Variants in CDH13 observed in about 807,000 individuals in gnomAD.
CDH13 encodes cadherin-13.
Under a neutral mutation model 63.8 loss-of-function variants are expected in CDH13, and 24 were observed. That is an observed-to-expected ratio of 0.38 (90% confidence interval 0.27 to 0.53). The LOEUF (loss-of-function observed/expected upper bound fraction) is 0.53, where lower values mean the gene tolerates loss of function less well. Among genes scored for constraint, CDH13 ranks in the 20% least tolerant of loss-of-function variants. The pLI, the probability that CDH13 is intolerant of heterozygous loss-of-function variation, is 0.85. For missense variants in CDH13, 1,049 were observed against 903.1 expected, an observed-to-expected ratio of 1.16 and a Z score of -2.07; for synonymous variants, 503 against 355.3, an observed-to-expected ratio of 1.42 and a Z score of -4.67.
At chr16:82,734,369 A>G (rs975834077) in intron 1 of CDH13, among the ~76,000 whole-genome samples, 1 of 152,220 alleles carries the variant, frequency 6.6e-6, no homozygotes, top group East Asian at 1.9e-4. Context: ...AGAGTTTTCC[A>G]GGGAGAGGGG....
At chr16:83,733,673 G>A (rs1911260770) in intron 10 of CDH13, among the ~76,000 whole-genome samples, 1 of 152,180 alleles carries the variant, frequency 6.6e-6, no homozygotes, top group Non-Finnish European at 1.5e-5. Flanking sequence ...CCAGAGCAAA[G>A]GCCATGGTGT....
intron 11 of CDH13, among the ~76,000 whole-genome samples, chr16:83,767,057 A>C (rs1371062242): frequency 1.3e-5 from 2 of 152,212 alleles, no homozygotes; most frequent in Non-Finnish European, 2.9e-5. Context: ...AATTCTTTAT[A>C]GCAGCATGAG....
chr16:83,129,792 T>C (rs774366415), intron 4 of CDH13, among the ~76,000 whole-genome samples: 1 of 152,250 alleles, frequency 6.6e-6, no homozygotes, highest in Non-Finnish European at 1.5e-5. Context: ...TGGTCTGCAC[T>C]GAAAAGCTGA....
intron 1 of CDH13, among the ~76,000 whole-genome samples, chr16:82,679,040 A>G (rs184844114): frequency 1.3e-5 from 2 of 152,310 alleles, no homozygotes; most frequent in Non-Finnish European, 2.9e-5. Context: ...CACTCCTCCC[A>G]AGACAGCTAT....
intron 7 of CDH13, among the ~76,000 whole-genome samples, chr16:83,488,993 T>C (rs934420002): frequency 6.6e-6 from 1 of 152,158 alleles, no homozygotes; most frequent in Non-Finnish European, 1.5e-5. Flanking sequence ...CCCAAGGCTC[T>C]CTATTCCCCA....
At chr16:83,331,581 C>T (rs1346317771) in intron 5 of CDH13, among the ~76,000 whole-genome samples, 2 of 152,136 alleles carry the variant, frequency 1.3e-5, no homozygotes, top group African/African-American at 4.8e-5. Flanking sequence ...TCTTTTTTAA[C>T]TTTGAAATTA....
chr16:82,705,454 C>T (rs372684372), intron 1 of CDH13, among the ~76,000 whole-genome samples: 5 of 152,326 alleles, frequency 3.3e-5, no homozygotes, highest in South Asian at 4.1e-4. Context: ...GAAATTAGCT[C>T]GGCTTCCTGC....
intron 11 of CDH13, among the ~76,000 whole-genome samples, chr16:83,767,207 G>A (rs150109440): frequency 1.6e-4 from 24 of 151,718 alleles, no homozygotes; most frequent in East Asian, 3.9e-4. Context: ...TTTGTGTTCC[G>A]ATGTGGATAG....
intron 4 of CDH13, among the ~76,000 whole-genome samples, chr16:83,156,609 C>G (rs1315003313): frequency 1.3e-5 from 2 of 152,110 alleles, no homozygotes; most frequent in Non-Finnish European, 2.9e-5. Context: ...TAAAAGGCAC[C>G]ATGGGCAGCT....
chr16:82,654,879 T>C (rs1390402306), intron 1 of CDH13, among the ~76,000 whole-genome samples: 2 of 152,102 alleles, frequency 1.3e-5, no homozygotes, highest in African/African-American at 4.8e-5. Flanking sequence ...AGTTCTTTCA[T>C]CCCTCCCAAC....
chr16:83,229,524 G>A (rs545652862), intron 5 of CDH13, among the ~76,000 whole-genome samples: 16 of 151,850 alleles, frequency 1.1e-4, no homozygotes, highest in African/African-American at 2.7e-4. Flanking sequence ...GGGTTTATCA[G>A]TGGGCTCTCT....
chr16:82,749,147 A>T (rs1332919715), intron 1 of CDH13, among the ~76,000 whole-genome samples: 1 of 152,044 alleles, frequency 6.6e-6, no homozygotes, highest in Non-Finnish European at 1.5e-5. Flanking sequence ...AGAGCCAAGA[A>T]ATGCAGAGAG....
At chr16:83,390,558 C>G (rs1311233264) in intron 6 of CDH13, among the ~76,000 whole-genome samples, 1 of 151,780 alleles carries the variant, frequency 6.6e-6, no homozygotes, top group African/African-American at 2.4e-5. Context: ...CCACAGTGAT[C>G]CTACTATCAA....
intron 1 of CDH13, among the ~76,000 whole-genome samples, chr16:82,710,501 C>G (rs1362453411): frequency 4.8e-5 from 6 of 123,890 alleles, no homozygotes; most frequent in Non-Finnish European, 9.6e-5. Flanking sequence ...CCACTGCACT[C>G]CAGCCTGGGT....
chr16:83,692,982 C>T (rs907457020), intron 10 of CDH13, among the ~76,000 whole-genome samples: 1 of 152,182 alleles, frequency 6.6e-6, no homozygotes, highest in East Asian at 1.9e-4. Context: ...ACTCAGGAGG[C>T]TGAGGCAAGA....
intron 1 of CDH13, among the ~76,000 whole-genome samples, chr16:82,693,624 C>A (rs904139280): frequency 2.0e-5 from 3 of 152,170 alleles, no homozygotes; most frequent in African/African-American, 7.2e-5. Context: ...AGATGCAGGA[C>A]CACATCCAAA....
chr16:83,523,388 C>T (rs1459858555), intron 7 of CDH13, among the ~76,000 whole-genome samples: 1 of 152,230 alleles, frequency 6.6e-6, no homozygotes, highest in African/African-American at 2.4e-5. Flanking sequence ...AGCCCATGCT[C>T]TTCAATCCTG....
At chr16:83,323,202 C>A (rs1191968081) in intron 5 of CDH13, among the ~76,000 whole-genome samples, 1 of 145,128 alleles carries the variant, frequency 6.9e-6, no homozygotes, top group Non-Finnish European at 1.5e-5. Flanking sequence ...TTCTTTCTTT[C>A]TTTCTTTCTT....
At chr16:83,130,107 AACAG>A (rs947235685) in intron 4 of CDH13, among the ~76,000 whole-genome samples, 11 of 152,224 alleles carry the variant, frequency 7.2e-5, no homozygotes, top group Admixed American at 5.9e-4. Flanking sequence ...TGGAGGAGAA[AACAG>A]ACAGAATCAT....
Sources: gnomAD v4.1 joint callset for allele counts (sites outside exome capture counted in the v4.1 genomes callset) on GRCh38, gnomAD v4.1.1 for gene constraint, MANE v1.5 for transcripts, NCBI Gene and HGNC (gene_info 2026-07-23, HGNC 2026-07-21) for gene names.